The following ANKRD11 variants were observed in gnomAD, a reference collection of about 807,000 sequenced individuals.
The protein encoded by ANKRD11 is ankyrin repeat domain 11, also known as ankyrin repeat domain-containing protein 11.
ANKRD11 carries 17 observed loss-of-function variants against 195.7 expected under a neutral mutation model. The observed-to-expected ratio is 0.09, with a 90% CI of 0.06 to 0.13. The LOEUF (loss-of-function observed/expected upper bound fraction) is 0.13. ANKRD11 is among the 10% of genes least tolerant of loss of function. The pLI is 1.00. For synonymous variants in ANKRD11, 1,953 were observed against 1,528.1 expected (o/e 1.28, Z -6.49); for missense variants, 3,735 against 3,566.1 (o/e 1.05, Z -1.21).
chr16:89,478,486 C>A (rs2057334282), intron 1 of ANKRD11, among the ~76,000 whole-genome samples: 2 of 152,336 alleles, frequency 1.3e-5, no homozygotes, highest in South Asian at 4.1e-4. Context: ...TCATTACTTT[C>A]CAAAGAGAAT....
intron 11 of ANKRD11, chr16:89,271,978 G>T (rs558510943): frequency 6.6e-6 from 1 of 152,036 alleles, no homozygotes; most frequent in Non-Finnish European, 1.5e-5. Context: ...GGGAGGAAAC[G>T]CCTGCAAACC....
At chr16:89,340,078 C>CAAAAA (rs1209320590) in intron 2 of ANKRD11, 1 of 152,152 alleles carries the variant, frequency 6.6e-6, no homozygotes, top group Non-Finnish European at 1.5e-5. Flanking sequence ...TTTTTTCCAA[C>CAAAAA]TTTTTGCGAA....
chr16:89,457,250 C>T (rs1218819198), intron 1 of ANKRD11, among the ~76,000 whole-genome samples: 3 of 150,492 alleles, frequency 2.0e-5, no homozygotes, highest in East Asian at 2.0e-4. Context: ...TGAGCCACCG[C>T]GCCCGGCCGA....
In ANKRD11 at chr16:89,280,728, G is replaced by A; in HGVS notation, c.5814C>T (p.Pro1938=). The A allele has an allele frequency of 1.2e-6, 2 of 1,613,492 alleles. No individual in the cohort carries two copies. Among genetic ancestry groups the A allele is most frequent in the Non-Finnish European group, 1.7e-6 (2 of 1,179,918 alleles). Residue 1938 remains proline (P), a synonymous_variant, in exon 9 of 13, where the codon CCC becomes CCT. Coordinates refer to ENST00000301030, the MANE Select transcript of ANKRD11 (RefSeq NM_013275.6). The part of the protein sequence containing the change: ...PSYLEPLDEG[P]FSAVITEEPV... ...GCTCCTCGGTGATGACGGCGCTGAA[G>A]GGACCCTCGTCCAGCGGCTCCAGGT...
intron 1 of ANKRD11, among the ~76,000 whole-genome samples, chr16:89,462,705 G>A (rs2152335583): frequency 6.7e-6 from 1 of 149,704 alleles, no homozygotes; most frequent in South Asian, 2.1e-4. Context: ...GATGTGGGGA[G>A]CGCCTCTGCC....
chr16:89,280,544 G>C lies in ANKRD11; in HGVS notation c.5998C>G (p.Leu2000Val). Reference protein sequence around the residue: ...SPKRFCPADPLHSAAPGPFSA... With the variant: ...SPKRFCPADPVHSAAPGPFSA... ...AAGGGCCCTGGGGCGGCAGAGTGGA[G>C]GGGGTCCGCGGGGCAGAAACGCTTT... Residue 2000 changes from leucine (L) to valine (V), a missense_variant, in exon 9 of 13, where the codon CTC (leucine) becomes GTC (valine). Physicochemically the swap from Leu to Val is conservative, Grantham distance 32. Coordinates refer to ENST00000301030, the MANE Select transcript of ANKRD11 (RefSeq NM_013275.6). The C allele has an allele frequency of 3.7e-6, 6 of 1,612,816 alleles. No homozygotes were observed. The highest frequency in any genetic ancestry group is 5.1e-6 in the Non-Finnish European group (6 of 1,179,872).
At chr16:89,322,315 C>T (rs1478109304) in intron 2 of ANKRD11, among the ~76,000 whole-genome samples, 1 of 152,270 alleles carries the variant, frequency 6.6e-6, no homozygotes, top group African/African-American at 2.4e-5. Flanking sequence ...TCAGATTTGT[C>T]TTCCACAGTA....
intron 2 of ANKRD11, among the ~76,000 whole-genome samples, chr16:89,408,657 C>A (rs1054008760): frequency 2.0e-5 from 3 of 152,146 alleles, no homozygotes; most frequent in African/African-American, 7.2e-5. Flanking sequence ...CCCCTCCTCG[C>A]ACCCCCTGCC....
At chr16:89,423,151 C>G (rs1392169260) in intron 1 of ANKRD11, among the ~76,000 whole-genome samples, 1 of 152,192 alleles carries the variant, frequency 6.6e-6, no homozygotes, top group East Asian at 1.9e-4. Context: ...CCAACACCCT[C>G]AGAGCCCAGG....
In ANKRD11 at chr16:89,281,191, G is replaced by T; in HGVS notation, c.5351C>A (p.Ser1784Tyr). The T allele has an allele frequency of 5.0e-6, 8 of 1,614,196 alleles. No homozygotes were observed. Among genetic ancestry groups the T allele is most frequent in the Non-Finnish European group, 5.9e-6 (7 of 1,180,030 alleles). The change falls in exon 9 of 13, where the codon TCC becomes TAC. Residue 1784 changes from serine (S) to tyrosine (Y), a missense_variant. Coordinates refer to ENST00000301030, the MANE Select transcript of ANKRD11 (RefSeq NM_013275.6). This position sits in a 1 kb window ranked among gnomAD's most constrained non-coding sequence, Gnocchi z 5.5. ...NASQAPARPL[S>Y]TNLYRSVSVD... is the part of the protein sequence containing the mutation. Reference sequence around the variant, plus strand: ...AGAGACCGAGCGGTAAAGGTTTGTGGAGAGAGGCCTGGCAGGAGCCTGGCT... The same window carrying T: ...AGAGACCGAGCGGTAAAGGTTTGTGTAGAGAGGCCTGGCAGGAGCCTGGCT...
chr16:89,337,429 CTTTTTTTTT>C (rs1165680827), intron 2 of ANKRD11, among the ~76,000 whole-genome samples: 22 of 53,134 alleles, frequency 4.1e-4, no homozygotes, highest in South Asian at 2.5e-3. Flanking sequence ...CTAAGCAATT[CTTTTTTTTT>C]TTTTTTTTTT....
At chr16:89,314,245 C>T (rs566516344) in intron 3 of ANKRD11, among the ~76,000 whole-genome samples, 3 of 151,756 alleles carry the variant, frequency 2.0e-5, no homozygotes, top group Non-Finnish European at 4.4e-5. Context: ...CAGAGTCAGA[C>T]CCTGTCTCAA....
At chr16:89,396,955 G>T (rs1425001723) in intron 2 of ANKRD11, among the ~76,000 whole-genome samples, 1 of 108,160 alleles carries the variant, frequency 9.2e-6, no homozygotes, top group African/African-American at 2.9e-5. Context: ...CCAGAGCACT[G>T]GTGGGATTAT....
At chr16:89,346,942 C>A (rs1422300771) in intron 2 of ANKRD11, among the ~76,000 whole-genome samples, 1 of 152,192 alleles carries the variant, frequency 6.6e-6, no homozygotes, top group African/African-American at 2.4e-5. Context: ...GAACAAGCTA[C>A]ACGACACAAT....
intron 1 of ANKRD11, among the ~76,000 whole-genome samples, chr16:89,429,718 G>T (rs1209263532): frequency 1.1e-3 from 63 of 57,732 alleles, no homozygotes; most frequent in African/African-American, 3.8e-3. Context: ...ACACAGCAGG[G>T]ACTCTCAACT....
intron 1 of ANKRD11, among the ~76,000 whole-genome samples, chr16:89,424,088 T>C (rs545179285): frequency 1.3e-5 from 2 of 152,062 alleles, no homozygotes; most frequent in East Asian, 3.9e-4. Context: ...GGAGATAAAC[T>C]ACCTGCTGTG....
At position 89,285,901 on chromosome 16, in the gene ANKRD11, C is replaced by G. The variant is rs1334762775; in HGVS notation, c.892+138G>C. ...GCAGTGACACACCTGGGCGGGGTCT[C>G]CCGCAGTCCAGAAGCTCCTGTAAGC... is the stretch of plus-strand genomic sequence containing the variant. On this transcript the variant is annotated intron_variant, in intron 8 of 12. Transcript: ENST00000301030. The surrounding 1 kb of genome is among the most constrained non-coding windows in gnomAD (Gnocchi z 5.6). The G allele has an allele frequency of 2.9e-6, 4 of 1,391,836 alleles. No homozygotes were observed. In the African/African-American group the frequency reaches 5.7e-5, roughly 20 times the overall value. 86.2% of individuals were successfully genotyped at this position (1,391,836 alleles called of 1,614,324 possible). A position where few individuals can be genotyped will look rare whatever the true frequency, so the allele number is the denominator to read the frequency against.
Position 89,284,620 on chromosome 16 carries a change from T to C in ANKRD11, c.1922A>G (p.Lys641Arg), listed in dbSNP as rs2034515059. 4 of 1,614,024 alleles carry C rather than the reference T, an allele frequency of 2.5e-6. No homozygotes were observed. The highest frequency in any genetic ancestry group is 3.4e-6 in the Non-Finnish European group (4 of 1,179,912). The change falls in exon 9 of 13, where the codon AAG becomes AGG. Residue 641 changes from lysine to arginine, a missense_variant. Lys to Arg is a conservative substitution (Grantham distance 26). Coordinates refer to ENST00000301030, the MANE Select transcript of ANKRD11 (RefSeq NM_013275.6). ...KHKTKHKHKN[K>R]EKGQCSISQE... Reference sequence around the variant, plus strand: ...GCTGATGGAACACTGTCCCTTCTCCTTGTTTTTGTGTTTGTGTTTTGTTTT... The same window carrying C: ...GCTGATGGAACACTGTCCCTTCTCCCTGTTTTTGTGTTTGTGTTTTGTTTT...
chr16:89,419,445 T>A (rs2042426591), intron 1 of ANKRD11, among the ~76,000 whole-genome samples: 1 of 143,970 alleles, frequency 6.9e-6, no homozygotes, highest in African/African-American at 2.6e-5. Context: ...AGAGCGAAAC[T>A]CGTCTTAAAA....
Sources: allele counts gnomAD v4.1 joint callset (sites outside exome capture counted in the v4.1 genomes callset), GRCh38; gene constraint gnomAD v4.1.1; non-coding constraint Gnocchi (gnomAD v3.1); transcripts MANE v1.5; gene names NCBI Gene and HGNC (gene_info 2026-07-23, HGNC 2026-07-21).